PRUNE2: variants seen among roughly 807,000 people sequenced by gnomAD.
PRUNE2 encodes the protein protein prune homolog 2.
Under a neutral mutation model 252.0 loss-of-function variants are expected in PRUNE2, and 164 were observed. The ratio of observed to expected loss-of-function variants is 0.65; its 90% CI spans 0.57 to 0.74. PRUNE2 has a LOEUF of 0.74. PRUNE2 is among the 30% of genes least tolerant of loss of function. The pLI, the probability that PRUNE2 is intolerant of heterozygous loss-of-function variation, is 0.00. For synonymous variants in PRUNE2, 1,292 were observed against 1,350.2 expected, an observed-to-expected ratio of 0.96 and a Z score of 0.94; for missense variants, 3,495 against 3,711.0, an observed-to-expected ratio of 0.94 and a Z score of 1.51.
At chr9:76,857,207 TTCCCCC>T (rs144435956) in intron 1 of PRUNE2, 35 of 450,686 alleles carry the variant, frequency 7.8e-5, no homozygotes, top group African/African-American at 5.8e-4. Context: ...AGCACTCTCT[TTCCCCC>T]TCCACCCCCA....
At position 76,850,539 on chromosome 9, in the gene PRUNE2, C is replaced by T. The variant is rs41304230; in HGVS notation, c.268G>A (p.Asp90Asn). 17,994 of 1,613,636 alleles carry T rather than the reference C, an allele frequency of 0.011. 129 individuals are homozygous for T. The highest frequency in any genetic ancestry group is 0.013 in the Non-Finnish European group (15,619 of 1,179,658). ...TTTAGCTGATGCAGGTTAATTTCAT[C>T]CCGGAATATGTGGAATGATTCGGAA... Reference protein sequence around the residue: ...NISESFHIFRDEINLHQLNDE... With the variant: ...NISESFHIFRNEINLHQLNDE... The change falls in exon 3 of 19, where the codon GAT becomes AAT. Residue 90 changes from aspartate to asparagine, a missense_variant. Coordinates refer to ENST00000376718, the MANE Select transcript of PRUNE2 (RefSeq NM_015225.3).
At chr9:76,877,206 T>TA (rs34647421) in intron 1 of PRUNE2, among the ~76,000 whole-genome samples, 11,798 of 146,198 alleles carry the variant, frequency 0.081, 1,387 homozygotes, top group African/African-American at 0.26. Flanking sequence ...CATTTTTCAT[T>TA]AAAAAAAAAA....
chr9:76,758,945 G>T (rs549869061), intron 6 of PRUNE2: 1 of 152,396 alleles, frequency 6.6e-6, no homozygotes, highest in South Asian at 2.1e-4. Context: ...GGGGCTCAGG[G>T]GGTTCAGACA....
At chr9:76,779,005 AT>A (rs1456358428) in intron 6 of PRUNE2, 1 of 152,200 alleles carries the variant, frequency 6.6e-6, no homozygotes, top group African/African-American at 2.4e-5. Context: ...ATCACTAGTC[AT>A]CTTAAATAAA....
chr9:76,621,450 A>G (rs112767938), intron 17 of PRUNE2, among the ~76,000 whole-genome samples: 2,934 of 152,276 alleles, frequency 0.019, 48 homozygotes, highest in South Asian at 0.068. Context: ...ATGTGCAAAT[A>G]TATTTCAATT....
Position 76,703,822 on chromosome 9 carries a change from T to A in PRUNE2, c.7791A>T (p.Thr2597=), listed in dbSNP as rs368767936. The change falls in exon 9 of 19, where the codon ACA becomes ACT. Residue 2597 remains threonine, a synonymous_variant. Transcript: ENST00000376718. ...TTTCATTTAAGGAGGCTGGCTGACA[T>A]GTGTCTGGGAAGCTTGCTAACTGAG... is the stretch of plus-strand genomic sequence containing the variant. The part of the protein sequence containing the change: ...QGTQLASFPD[T]CQPASLNERK... 1.2e-6 allele frequency: 2 copies of A among 1,613,998 alleles called. No individual in the cohort carries two copies. Among genetic ancestry groups the A allele is most frequent in the Non-Finnish European group, 1.7e-6 (2 of 1,179,886 alleles).
intron 1 of PRUNE2, among the ~76,000 whole-genome samples, chr9:76,868,516 T>C (rs2060977801): frequency 6.6e-6 from 1 of 152,130 alleles, no homozygotes; most frequent in Non-Finnish European, 1.5e-5. Context: ...TTAACAGCCA[T>C]TAGGGAATTC....
At chr9:76,670,378 C>G (rs2041125353) in intron 9 of PRUNE2, among the ~76,000 whole-genome samples, 1 of 152,092 alleles carries the variant, frequency 6.6e-6, no homozygotes, top group Non-Finnish European at 1.5e-5. Context: ...AGATTATATC[C>G]CGCACCTGGC....
chr9:76,658,250 C>T (rs1320164481), intron 9 of PRUNE2, among the ~76,000 whole-genome samples: 6 of 152,084 alleles, frequency 3.9e-5, no homozygotes, highest in East Asian at 3.9e-4. Context: ...CCCAGCTACT[C>T]GGGAGGCTGA....
At chr9:76,681,416 G>A (rs192093694) in intron 9 of PRUNE2, among the ~76,000 whole-genome samples, 10 of 150,158 alleles carry the variant, frequency 6.7e-5, no homozygotes, top group East Asian at 5.9e-4. Context: ...TGGTTAAGAC[G>A]GTAAATTTTA....
chr9:76,660,926 C>T (rs114863027), intron 9 of PRUNE2, among the ~76,000 whole-genome samples: 1,934 of 151,842 alleles, frequency 0.013, 42 homozygotes, highest in African/African-American at 0.043. Flanking sequence ...TAAAAAAACC[C>T]TATAAACTAC....
chr9:76,823,724 A>C lies in PRUNE2; in HGVS notation c.664T>G (p.Leu222Val). ...LQETQFSAQG[L>V]SIEQTMLKDL... ...TTCAACATTGTCTGTTCAATACTTA[A>C]ACCTGTGGATGACAGGAAAAAAAAA... is the stretch of plus-strand genomic sequence containing the variant. The change falls in exon 6 of 19, where the codon TTA (leucine) becomes GTA (valine). Residue 222 changes from leucine to valine, a missense_variant and splice_region_variant. Coordinates refer to ENST00000376718, the MANE Select transcript of PRUNE2 (RefSeq NM_015225.3). The C allele has an allele frequency of 6.3e-7, 1 of 1,591,258 alleles. No homozygotes were observed.
At chr9:76,748,617 A>C (rs1284737523) in intron 6 of PRUNE2, 1 of 152,260 alleles carries the variant, frequency 6.6e-6, no homozygotes, top group Non-Finnish European at 1.5e-5. Flanking sequence ...TAATTTTAAA[A>C]GGTGAACTTT....
chr9:76,856,753 T>G (rs112225621), intron 1 of PRUNE2, among the ~76,000 whole-genome samples: 3,024 of 151,870 alleles, frequency 0.02, 115 homozygotes, highest in African/African-American at 0.07. Flanking sequence ...CTCTCTTTTC[T>G]TTTTCTTTTT....
In PRUNE2 at chr9:76,703,919, G is replaced by A; in HGVS notation, c.7694C>T (p.Thr2565Ile). 1 of 1,613,856 alleles carries A rather than the reference G, an allele frequency of 6.2e-7. No individual in the cohort carries two copies. Among genetic ancestry groups the A allele is most frequent in the South Asian group, 1.1e-5 (1 of 91,070 alleles). Residue 2565 changes from threonine to isoleucine, a missense_variant, in exon 9 of 19, where the codon ACC (threonine) becomes ATC (isoleucine). Thr to Ile is a moderately conservative substitution (Grantham distance 89, BLOSUM62 -1). Coordinates refer to ENST00000376718, the MANE Select transcript of PRUNE2 (RefSeq NM_015225.3). The part of the protein sequence containing the change: ...REENSHSKPE[T>I]CEERESIAEL... ...AGCTATGCTTTCTCTTTCTTCACAG[G>A]TCTCTGGCTTTGAGTGTGAATTTTC...
intron 6 of PRUNE2, among the ~76,000 whole-genome samples, chr9:76,727,168 C>T (rs117958545): frequency 1.5e-3 from 223 of 152,294 alleles, no homozygotes; most frequent in Non-Finnish European, 2.7e-3. Context: ...AAGCTCCCTG[C>T]CCTAGTTATG....
intron 1 of PRUNE2, among the ~76,000 whole-genome samples, chr9:76,889,487 CT>C (rs1384875130): frequency 6.6e-6 from 1 of 151,930 alleles, no homozygotes; most frequent in Non-Finnish European, 1.5e-5. Flanking sequence ...AGCCCAGCTA[CT>C]TTTTGATTTT....
intron 18 of PRUNE2, among the ~76,000 whole-genome samples, chr9:76,617,087 AC>A (rs1307073272): frequency 6.6e-6 from 1 of 152,236 alleles, no homozygotes; most frequent in African/African-American, 2.4e-5. Flanking sequence ...TCTATAAGCA[AC>A]TTTTTCCTGA....
chr9:76,835,034 G>A (rs1265199577), intron 4 of PRUNE2, among the ~76,000 whole-genome samples: 1 of 152,166 alleles, frequency 6.6e-6, no homozygotes, highest in Non-Finnish European at 1.5e-5. Flanking sequence ...AGGGTAGAGG[G>A]AAGGAGCGAT....
Sources: gnomAD v4.1 joint callset for allele counts (sites outside exome capture counted in the v4.1 genomes callset) on GRCh38, gnomAD v4.1.1 for gene constraint, MANE v1.5 for transcripts, NCBI Gene and HGNC (gene_info 2026-07-23, HGNC 2026-07-21) for gene names.